Variants in NKAIN3 observed in about 807,000 individuals in gnomAD.
The protein encoded by NKAIN3 is sodium/potassium transporting ATPase interacting 3.
NKAIN3 carries 25 observed loss-of-function variants against 30.2 expected under a neutral mutation model. The ratio of observed to expected loss-of-function variants is 0.83; its 90% CI spans 0.60 to 1.16. The LOEUF is 1.16. Ranked by LOEUF, NKAIN3 falls within the 50% of genes most tolerant of loss-of-function variation. NKAIN3 has a pLI of 0.00. For missense variants in NKAIN3, 225 were observed against 254.1 expected, an observed-to-expected ratio of 0.89 and a Z score of 0.78; for synonymous variants, 91 against 89.6, an observed-to-expected ratio of 1.02 and a Z score of -0.09.
intron 1 of NKAIN3, among the ~76,000 whole-genome samples, chr8:62,456,314 G>A (rs923424286): frequency 6.6e-5 from 10 of 152,078 alleles, no homozygotes; most frequent in Non-Finnish European, 2.9e-5. Context: ...GAGGTCAGGA[G>A]ATCGAGACCA....
chr8:62,578,679 G>T (rs1810197034), intron 1 of NKAIN3, among the ~76,000 whole-genome samples: 1 of 151,914 alleles, frequency 6.6e-6, no homozygotes, highest in Non-Finnish European at 1.5e-5. Flanking sequence ...TTTCCAAAAT[G>T]GTACTAGTTC....
Position 62,792,971 on chromosome 8 carries a change from A to G in NKAIN3, c.471+45842A>G, listed in dbSNP as rs76939680. On this transcript the variant is annotated intron_variant, in intron 4 of 6. Coordinates refer to ENST00000623646, the MANE Select transcript of NKAIN3 (RefSeq NM_001304533.3). ...ACTCTGTGCATGCCCAAGGTGATAT[A>G]CATAGGGTGCAGTGTTGGGTTGAAC... is the stretch of plus-strand genomic sequence containing the variant. Among the ~76,000 whole-genome samples, 176 of 152,220 alleles carry G rather than the reference A, an allele frequency of 1.2e-3. 2 individuals carry two copies. In the East Asian group the frequency reaches 0.033, roughly 28 times the overall value.
chr8:62,456,847 G>A (rs995504473), intron 1 of NKAIN3, among the ~76,000 whole-genome samples: 1 of 152,194 alleles, frequency 6.6e-6, no homozygotes, highest in Non-Finnish European at 1.5e-5. Context: ...AATGCACCCA[G>A]CCTTCGTTAG....
At chr8:62,268,354 A>C (rs2129391865) in intron 1 of NKAIN3, among the ~76,000 whole-genome samples, 1 of 152,266 alleles carries the variant, frequency 6.6e-6, no homozygotes, top group East Asian at 1.9e-4. Flanking sequence ...CTAATTGACC[A>C]GAATTGGGTC....
intron 3 of NKAIN3, among the ~76,000 whole-genome samples, chr8:62,746,695 T>C (rs142053341): frequency 1.3e-5 from 2 of 152,346 alleles, no homozygotes; most frequent in Admixed American, 6.5e-5. Context: ...TAAATATATG[T>C]TGCCCTTAAA....
At position 62,740,489 on chromosome 8, in the gene NKAIN3, A is replaced by G. The variant is rs553904322; in HGVS notation, c.274-6443A>G. On this transcript the variant is annotated intron_variant, in intron 3 of 6. Coordinates refer to ENST00000623646, the MANE Select transcript of NKAIN3 (RefSeq NM_001304533.3). ...AAAAAAATGATTATTGTTAGAAGTT[A>G]GGAGTCCATTTCTAGAAATAGAAAG... Among the ~76,000 whole-genome samples the G allele has an allele frequency of 4.6e-5, 7 of 152,288 alleles. No homozygotes were observed. In the South Asian group the frequency reaches 8.3e-4, roughly 18 times the overall value.
chr8:62,416,293 T>C (rs1804442454), intron 1 of NKAIN3, among the ~76,000 whole-genome samples: 2 of 152,184 alleles, frequency 1.3e-5, no homozygotes, highest in African/African-American at 4.8e-5. Context: ...TTTAGTTTCT[T>C]ATAGTTTTGT....
At chr8:62,644,684 A>T (rs1812403574) in intron 3 of NKAIN3, among the ~76,000 whole-genome samples, 1 of 152,164 alleles carries the variant, frequency 6.6e-6, no homozygotes, top group South Asian at 2.1e-4. Flanking sequence ...CGGCTTATTG[A>T]TTATAAATAT....
intron 3 of NKAIN3, among the ~76,000 whole-genome samples, chr8:62,595,387 T>TTC (rs1364958530): frequency 8.5e-6 from 1 of 117,294 alleles, no homozygotes; most frequent in Non-Finnish European, 2.0e-5. Flanking sequence ...ATTTTCTTTT[T>TTC]TTTTTTTTTT....
At chr8:62,647,963 G>A (rs577522655) in intron 3 of NKAIN3, among the ~76,000 whole-genome samples, 1 of 152,216 alleles carries the variant, frequency 6.6e-6, no homozygotes, top group East Asian at 1.9e-4. Context: ...TGCAGGTGGG[G>A]TGGATTTAGA....
At position 62,450,689 on chromosome 8, in the gene NKAIN3, G is replaced by A. The variant is rs188936255; in HGVS notation, c.55-128850G>A. Among the ~76,000 whole-genome samples, 13 of 152,316 alleles carry A rather than the reference G, an allele frequency of 8.5e-5. No homozygotes were observed. In the East Asian group the frequency reaches 2.5e-3, roughly 29 times the overall value. ...AATCAACAGATGAAGCCCAGGCAGT[G>A]TAGCTCCAGAATTATGGCTCCTAAT... On this transcript the variant is annotated intron_variant, in intron 1 of 6. Transcript: ENST00000623646.
chr8:62,797,206 T>C (rs1374822165), intron 4 of NKAIN3, among the ~76,000 whole-genome samples: 2 of 152,216 alleles, frequency 1.3e-5, no homozygotes. Flanking sequence ...AACAAGAGCA[T>C]AGTAAATGGA....
chr8:62,846,906 A>T (rs57807246), intron 4 of NKAIN3, among the ~76,000 whole-genome samples: 3 of 152,152 alleles, frequency 2.0e-5, no homozygotes, highest in Non-Finnish European at 2.9e-5. Context: ...CAGGCAAGAG[A>T]GCTTGTGCAG....
intron 1 of NKAIN3, among the ~76,000 whole-genome samples, chr8:62,448,680 A>G (rs532452890): frequency 5.3e-5 from 8 of 152,048 alleles, no homozygotes; most frequent in Admixed American, 2.0e-4. Context: ...CAGCAGACCT[A>G]GAAGAGGCAG....
intron 1 of NKAIN3, among the ~76,000 whole-genome samples, chr8:62,400,163 CTTTTTTT>C (rs71255333): frequency 1.6e-5 from 2 of 122,232 alleles, no homozygotes; most frequent in Non-Finnish European, 3.4e-5. Flanking sequence ...GCTATATTTT[CTTTTTTT>C]TTTTTTTTTT....
intron 4 of NKAIN3, among the ~76,000 whole-genome samples, chr8:62,917,359 G>A (rs1013960487): frequency 2.6e-5 from 4 of 152,150 alleles, no homozygotes; most frequent in African/African-American, 7.2e-5. Flanking sequence ...GGAGGTGCCC[G>A]CTGGGTGGGA....
intron 1 of NKAIN3, among the ~76,000 whole-genome samples, chr8:62,353,331 A>G (rs577166143): frequency 6.6e-6 from 1 of 152,258 alleles, no homozygotes; most frequent in Non-Finnish European, 1.5e-5. Flanking sequence ...TAGAACTTAA[A>G]TTCTATTTCT....
intron 1 of NKAIN3, among the ~76,000 whole-genome samples, chr8:62,438,613 G>C (rs1292091047): frequency 1.3e-5 from 2 of 152,096 alleles, no homozygotes; most frequent in African/African-American, 2.4e-5. Flanking sequence ...CCAGGCTGGA[G>C]TGCAGTGGCA....
At chr8:62,608,043 G>C (rs1811180049) in intron 3 of NKAIN3, among the ~76,000 whole-genome samples, 1 of 152,038 alleles carries the variant, frequency 6.6e-6, no homozygotes, top group East Asian at 1.9e-4. Context: ...TTTAATATGA[G>C]AAACAAATCA....
Sources: allele counts gnomAD v4.1 joint callset (sites outside exome capture counted in the v4.1 genomes callset), GRCh38; gene constraint gnomAD v4.1.1; transcripts MANE v1.5; gene names NCBI Gene and HGNC (gene_info 2026-07-23, HGNC 2026-07-21).